The following ESRRG variants were observed in gnomAD, a reference collection of about 807,000 sequenced individuals.
ESRRG encodes estrogen-related receptor gamma.
A neutral mutation model predicts 44.0 loss-of-function variants in ESRRG; 13 were observed. That is an observed-to-expected ratio of 0.30 (90% CI 0.19 to 0.47). The LOEUF (loss-of-function observed/expected upper bound fraction) is 0.47. Among genes scored for constraint, ESRRG ranks in the 20% least tolerant of loss-of-function variants. The pLI is 1.00. For missense variants in ESRRG, 395 were observed against 580.6 expected (o/e 0.68, Z 3.29); for synonymous variants, 215 against 214.6 (o/e 1.00, Z -0.02).
chr1:216,781,889 T>C (rs1305914061), intron 2 of ESRRG, among the ~76,000 whole-genome samples: 6 of 152,052 alleles, frequency 3.9e-5, no homozygotes, highest in African/African-American at 1.2e-4. Flanking sequence ...ACATGCCATG[T>C]GCAAATGCTG....
intron 6 of ESRRG, among the ~76,000 whole-genome samples, chr1:216,514,526 G>T (rs2043619775): frequency 6.6e-6 from 1 of 152,044 alleles, no homozygotes; most frequent in Non-Finnish European, 1.5e-5. Context: ...CAAGAAGATG[G>T]CAAGATAAAG....
At chr1:216,837,006 A>C (rs989832573) in intron 2 of ESRRG, among the ~76,000 whole-genome samples, 5 of 152,198 alleles carry the variant, frequency 3.3e-5, no homozygotes, top group African/African-American at 4.8e-5. Context: ...AAGCTTTAGT[A>C]CTGGACGGAT....
intron 1 of ESRRG, among the ~76,000 whole-genome samples, chr1:216,982,775 G>A (rs2074174679): frequency 6.6e-6 from 1 of 152,140 alleles, no homozygotes; most frequent in South Asian, 2.1e-4. Context: ...TTCTTTTGGT[G>A]ATTTCTAAAT....
chr1:216,586,720 C>A (rs557236959), intron 3 of ESRRG, among the ~76,000 whole-genome samples: 1 of 148,822 alleles, frequency 6.7e-6, no homozygotes, highest in African/African-American at 2.5e-5. Flanking sequence ...GGACTACAGG[C>A]GCCCACCACC....
intron 1 of ESRRG, among the ~76,000 whole-genome samples, chr1:217,118,686 G>T (rs929659762): frequency 1.6e-4 from 24 of 152,120 alleles, no homozygotes; most frequent in African/African-American, 5.8e-4. Flanking sequence ...AGATAGGTAT[G>T]GAGCCTTTAA....
At chr1:216,958,550 GA>G (rs2068409750) in intron 1 of ESRRG, among the ~76,000 whole-genome samples, 1 of 152,094 alleles carries the variant, frequency 6.6e-6, no homozygotes, top group South Asian at 2.1e-4. Flanking sequence ...TATGCTTAGT[GA>G]CCATTTGTAT....
At chr1:216,603,471 C>T (rs2059509684) in intron 3 of ESRRG, among the ~76,000 whole-genome samples, 1 of 152,176 alleles carries the variant, frequency 6.6e-6, no homozygotes, top group African/African-American at 2.4e-5. Context: ...AAAAAAGACA[C>T]TATTGAATGC....
At chr1:216,895,999 G>A (rs1015510631) in intron 2 of ESRRG, among the ~76,000 whole-genome samples, 3 of 152,086 alleles carry the variant, frequency 2.0e-5, no homozygotes, top group Admixed American at 2.0e-4. Flanking sequence ...GTACTCATTC[G>A]TCTACCAAGT....
At chr1:216,895,210 G>A (rs1045767690) in intron 2 of ESRRG, among the ~76,000 whole-genome samples, 6 of 152,098 alleles carry the variant, frequency 3.9e-5, no homozygotes, top group African/African-American at 1.4e-4. Flanking sequence ...AAATACTGTT[G>A]ACAGCAAATA....
intron 3 of ESRRG, among the ~76,000 whole-genome samples, chr1:216,639,930 C>T (rs1252890866): frequency 6.6e-6 from 1 of 152,198 alleles, no homozygotes; most frequent in Non-Finnish European, 1.5e-5. Context: ...TGTCAAAGGG[C>T]TCTGTAATGT....
chr1:216,788,983 AGAG>A (rs1276123154), intron 2 of ESRRG, among the ~76,000 whole-genome samples: 3 of 152,162 alleles, frequency 2.0e-5, no homozygotes, highest in South Asian at 2.1e-4. Context: ...AAACTTGAAT[AGAG>A]GAGGAGTTGC....
chr1:217,116,207 C>A (rs1440613714), intron 1 of ESRRG, among the ~76,000 whole-genome samples: 1 of 152,068 alleles, frequency 6.6e-6, no homozygotes, highest in African/African-American at 2.4e-5. Flanking sequence ...ATATAAATAT[C>A]TTAATTATCT....
At chr1:216,754,703 T>G (rs10569145) in intron 2 of ESRRG, among the ~76,000 whole-genome samples, 1 of 66,290 alleles carries the variant, frequency 1.5e-5, no homozygotes, top group African/African-American at 1.4e-4. Context: ...GAGAAAGAAC[T>G]TTTTTTTTTT....
intron 2 of ESRRG, among the ~76,000 whole-genome samples, chr1:216,939,364 A>AAAAAAAAAAAAAAAAAAAAC (rs1553720877): frequency 1.0e-4 from 14 of 133,724 alleles, no homozygotes; most frequent in Middle Eastern, 3.6e-3. Context: ...AAAAAAAAAA[A>AAAAAAAAAAAAAAAAAAAAC]AAAAAACACT....
At chr1:216,989,427 C>T (rs79874633) in intron 1 of ESRRG, among the ~76,000 whole-genome samples, 1 of 79,348 alleles carries the variant, frequency 1.3e-5, no homozygotes, top group Non-Finnish European at 2.5e-5. Flanking sequence ...GACTCTGTCT[C>T]AAAAAAAAAA....
chr1:216,629,827 C>T (rs1223914387), intron 3 of ESRRG, among the ~76,000 whole-genome samples: 1 of 152,068 alleles, frequency 6.6e-6, no homozygotes, highest in Non-Finnish European at 1.5e-5. Flanking sequence ...CCAAATCATA[C>T]CCACAGTCAC....
intron 2 of ESRRG, among the ~76,000 whole-genome samples, chr1:216,731,268 A>G (rs2088712460): frequency 6.6e-6 from 1 of 152,226 alleles, no homozygotes; most frequent in Admixed American, 6.5e-5. Flanking sequence ...TCCCATGAAG[A>G]ATGGTCACAG....
chr1:216,800,780 C>G (rs1190826293), intron 2 of ESRRG, among the ~76,000 whole-genome samples: 1 of 152,102 alleles, frequency 6.6e-6, no homozygotes, highest in African/African-American at 2.4e-5. Context: ...CATGAGTTCT[C>G]TGTTATCTTG....
At chr1:216,570,173 T>C (rs556070877) in intron 3 of ESRRG, among the ~76,000 whole-genome samples, 1 of 152,344 alleles carries the variant, frequency 6.6e-6, no homozygotes, top group South Asian at 2.1e-4. Flanking sequence ...TGAATTGTCA[T>C]ATTGAAGTAT....
Sources: allele counts gnomAD v4.1 joint callset (sites outside exome capture counted in the v4.1 genomes callset), GRCh38; gene constraint gnomAD v4.1.1; transcripts MANE v1.5; gene names NCBI Gene and HGNC (gene_info 2026-07-23, HGNC 2026-07-21).